Variants in SYTL4 observed in about 807,000 individuals in gnomAD.
SYTL4 encodes synaptotagmin like 4.
In SYTL4, 16 loss-of-function variants were observed where a neutral mutation model predicts 52.7. The observed-to-expected ratio is 0.30, with a 90% CI of 0.21 to 0.46. The LOEUF (loss-of-function observed/expected upper bound fraction) is 0.46. Among genes scored for constraint, SYTL4 ranks in the 20% least tolerant of loss-of-function variants. The pLI, the probability that SYTL4 is intolerant of heterozygous loss-of-function variation, is 1.00. For synonymous variants in SYTL4, 160 were observed against 186.6 expected (o/e 0.86, Z 1.16); for missense variants, 423 against 519.9 (o/e 0.81, Z 1.81).
intron 8 of SYTL4, among the ~76,000 whole-genome samples, chrX:100,698,263 C>G (rs1333174896): frequency 9.1e-6 from 1 of 109,925 alleles, no homozygotes; most frequent in East Asian, 3.1e-4. Flanking sequence ...CCACCACGCC[C>G]GGCTAATTTT....
rs1216218531 is a variant in SYTL4 at position 100,675,842 on chromosome X, G to A, written c.*186C>T. The A allele has an allele frequency of 3.4e-5, 12 of 351,567 alleles. No homozygotes were observed. The highest frequency in any genetic ancestry group is 4.8e-5 in the Non-Finnish European group (10 of 210,058). 29.0% of individuals were successfully genotyped at this position (351,567 alleles called of 1,213,427 possible). A position where few individuals can be genotyped will look rare whatever the true frequency, so the allele number is the denominator to read the frequency against. ...CTGCTTTAAAAAGAAGAACAAGTCT[G>A]CATCACTCTAGCCAGCATAATGAGA... On this transcript the variant is annotated 3_prime_UTR_variant, in exon 20 of 20. Coordinates refer to ENST00000372989, the MANE Select transcript of SYTL4 (RefSeq NM_001370165.1).
chrX:100,682,145 C>G (rs1025920522), intron 16 of SYTL4, among the ~76,000 whole-genome samples: 1 of 111,195 alleles, frequency 9.0e-6, no homozygotes, highest in Non-Finnish European at 1.9e-5. Flanking sequence ...AGCTAGGATT[C>G]AAATTCAGAC....
chrX:100,726,084 C>T (rs1256080381), intron 2 of SYTL4, among the ~76,000 whole-genome samples: 1 of 108,844 alleles, frequency 9.2e-6, no homozygotes, highest in Non-Finnish European at 1.9e-5. Flanking sequence ...CAGCCCTCTC[C>T]CTATTTCTGT....
chrX:100,678,722 C>A (rs1432507503), intron 18 of SYTL4, 123 bp from the exon 19 acceptor site: 3 of 534,122 alleles, frequency 5.6e-6, no homozygotes, highest in Non-Finnish European at 9.5e-6. Flanking sequence ...TCCTACTACA[C>A]ACGCCCCTCC....
chrX:100,686,003 G>A lies in SYTL4; in HGVS notation c.1436C>T (p.Pro479Leu), dbSNP rs773994286. 2.8e-5 allele frequency: 34 copies of A among 1,198,210 alleles called. No individual in the cohort carries two copies. In the South Asian group the frequency reaches 5.1e-4, roughly 18 times the overall value. Residue 479 changes from proline to leucine, a missense_variant, in exon 16 of 20, where the codon CCT (proline) becomes CTT (leucine). Coordinates refer to ENST00000372989, the MANE Select transcript of SYTL4 (RefSeq NM_001370165.1). The stretch of plus-strand genomic sequence containing the variant: ...AAAGCAGACTACCTTTCCATGTAAA[G>A]GGAGGCAATGATCCAGTTTCTTATC... Reference protein sequence around the residue: ...KLDKKLDHCLPLHGKISAESP... With the variant: ...KLDKKLDHCLLLHGKISAESP...
At chrX:100,711,591 C>T (rs1457457464) in intron 2 of SYTL4, among the ~76,000 whole-genome samples, 2 of 110,181 alleles carry the variant, frequency 1.8e-5, no homozygotes, top group Non-Finnish European at 3.8e-5. Flanking sequence ...GAAGACATAG[C>T]AATAGAAATT....
At chrX:100,692,368 T>G (rs1341430397) in intron 8 of SYTL4, among the ~76,000 whole-genome samples, 2 of 112,808 alleles carry the variant, frequency 1.8e-5, no homozygotes, top group Non-Finnish European at 3.7e-5. Context: ...TCTTATTTAC[T>G]GATGTGTTCT....
chrX:100,691,209 A>G lies in SYTL4; in HGVS notation c.540T>C (p.Ser180=). ...KIIQERQKEP[S]VLFEVPKLKS... The stretch of plus-strand genomic sequence containing the variant: ...TCAGCTTTGGCACTTCAAATAGCAC[A>G]CTAGAATAAAAACCAAGAGCCAATA... The change falls in exon 9 of 20, where the codon AGT becomes AGC. Residue 180 remains serine, a splice_region_variant and synonymous_variant. Transcript: ENST00000372989. The G allele has an allele frequency of 8.4e-7, 1 of 1,195,185 alleles. No homozygotes were observed. Among genetic ancestry groups the G allele is most frequent in the Non-Finnish European group, 1.1e-6 (1 of 882,900 alleles).
At chrX:100,722,354 T>C (rs978208511) in intron 2 of SYTL4, among the ~76,000 whole-genome samples, 1 of 111,609 alleles carries the variant, frequency 9.0e-6, no homozygotes, top group Non-Finnish European at 1.9e-5. Context: ...GCTGCTCTCC[T>C]GTTCTCCACA....
chrX:100,715,938 T>C (rs1341762261), intron 2 of SYTL4, among the ~76,000 whole-genome samples: 2 of 62,502 alleles, frequency 3.2e-5, no homozygotes, highest in Non-Finnish European at 2.8e-5. Flanking sequence ...ACCTTTTCTC[T>C]CTCTCTCAAA....
intron 2 of SYTL4, among the ~76,000 whole-genome samples, chrX:100,713,925 T>C (rs1440273817): frequency 1.8e-5 from 2 of 109,776 alleles, no homozygotes; most frequent in Admixed American, 1.9e-4. Flanking sequence ...GAAAACAGAA[T>C]CAGTGGTTTC....
At chrX:100,713,958 G>T (rs909518412) in intron 2 of SYTL4, among the ~76,000 whole-genome samples, 1 of 110,747 alleles carries the variant, frequency 9.0e-6, no homozygotes, top group Non-Finnish European at 1.9e-5. Flanking sequence ...GGGTAAGGAG[G>T]GTAATAGCAC....
At chrX:100,717,293 G>C (rs765377981) in intron 2 of SYTL4, among the ~76,000 whole-genome samples, 93 of 111,949 alleles carry the variant, frequency 8.3e-4, no homozygotes, top group African/African-American at 3.0e-3. Flanking sequence ...ATATGCATGA[G>C]ATATTATAAG....
In SYTL4 at chrX:100,691,170, A is replaced by T. The variant is rs986109143; in HGVS notation, c.579T>A (p.Ser193Arg). The T allele has an allele frequency of 2.5e-6, 3 of 1,208,418 alleles. No individual in the cohort carries two copies. Among genetic ancestry groups the T allele is most frequent in the Non-Finnish European group, 3.4e-6 (3 of 893,923 alleles). Reference sequence around the variant, plus strand: ...GACTCTCACTCTCAGCTTCCAATGCACTCTTTCCACTTTTCAGCTTTGGCA... The same window carrying T: ...GACTCTCACTCTCAGCTTCCAATGCTCTCTTTCCACTTTTCAGCTTTGGCA... The part of the protein sequence containing the change: ...FEVPKLKSGK[S>R]ALEAESESLD... The change falls in exon 9 of 20, where the codon AGT becomes AGA. Residue 193 changes from serine (S) to arginine (R), a missense_variant. Transcript: ENST00000372989.
chrX:100,683,208 G>A (rs1360297308), intron 16 of SYTL4, among the ~76,000 whole-genome samples: 3 of 96,660 alleles, frequency 3.1e-5, no homozygotes, highest in Non-Finnish European at 6.0e-5. Flanking sequence ...ATGCAATGGC[G>A]CAATCTCGGC....
intron 2 of SYTL4, among the ~76,000 whole-genome samples, chrX:100,709,497 G>A (rs1377319192): frequency 8.9e-6 from 1 of 111,758 alleles, no homozygotes; most frequent in Non-Finnish European, 1.9e-5. Context: ...GTGAGACTCT[G>A]TGTCCATAAA....
At chrX:100,715,816 T>C (rs2084190816) in intron 2 of SYTL4, among the ~76,000 whole-genome samples, 1 of 108,221 alleles carries the variant, frequency 9.2e-6, no homozygotes, top group Non-Finnish European at 1.9e-5. Flanking sequence ...TATGTGCCTG[T>C]AATCCCAGCT....
intron 2 of SYTL4, among the ~76,000 whole-genome samples, chrX:100,728,533 G>A (rs983213859): frequency 9.0e-6 from 1 of 111,311 alleles, no homozygotes; most frequent in Non-Finnish European, 1.9e-5. Context: ...TGTGCCATCC[G>A]TTATTCTTTT....
intron 2 of SYTL4, among the ~76,000 whole-genome samples, chrX:100,722,134 A>G (rs752295640): frequency 1.8e-5 from 2 of 111,466 alleles, no homozygotes; most frequent in East Asian, 2.8e-4. Context: ...TCTTGTCAAT[A>G]TCCTCAATAA....
Sources: gnomAD v4.1 joint callset for allele counts (sites outside exome capture counted in the v4.1 genomes callset) on GRCh38, gnomAD v4.1.1 for gene constraint, MANE v1.5 for transcripts, NCBI Gene and HGNC (gene_info 2026-07-23, HGNC 2026-07-21) for gene names.